The following DLC1 variants were observed in gnomAD, a reference collection of about 807,000 sequenced individuals.
The protein encoded by DLC1 is DLC1 Rho GTPase activating protein, also known as rho GTPase-activating protein 7.
A neutral mutation model predicts 140.3 loss-of-function variants in DLC1; 54 were observed. The ratio of observed to expected loss-of-function variants is 0.38; its 90% CI spans 0.31 to 0.48. The LOEUF (loss-of-function observed/expected upper bound fraction) is 0.48. Ranked by LOEUF, DLC1 falls within the 20% of genes least tolerant of loss-of-function variation. The pLI is 0.96. For synonymous variants in DLC1, 986 were observed against 728.1 expected (o/e 1.35, Z -5.70); for missense variants, 2,536 against 1,907.0 (o/e 1.33, Z -6.14).
intron 5 of DLC1, among the ~76,000 whole-genome samples, chr8:13,256,317 C>A (rs1586015415): frequency 6.6e-6 from 1 of 152,172 alleles, no homozygotes; most frequent in East Asian, 1.9e-4. Context: ...CTTTTCTTGT[C>A]ACTGATTTTT....
chr8:13,296,722 C>G (rs1403121603), intron 5 of DLC1, among the ~76,000 whole-genome samples: 4 of 151,702 alleles, frequency 2.6e-5, no homozygotes, highest in East Asian at 1.9e-4. Context: ...TTTCTGCTTT[C>G]AAGGAGCTCT....
chr8:13,307,372 C>T (rs1832489020), intron 4 of DLC1, among the ~76,000 whole-genome samples: 1 of 152,156 alleles, frequency 6.6e-6, no homozygotes, highest in Non-Finnish European at 1.5e-5. Flanking sequence ...TTTTCTTCTT[C>T]TTCAAGAACT....
intron 2 of DLC1, among the ~76,000 whole-genome samples, chr8:13,430,379 T>A (rs1838806977): frequency 6.6e-6 from 1 of 152,196 alleles, no homozygotes; most frequent in Non-Finnish European, 1.5e-5. Flanking sequence ...AGTAAATATG[T>A]GATCATTATT....
chr8:13,525,049 C>A (rs1802877006), intron 1 of DLC1, among the ~76,000 whole-genome samples: 2 of 152,166 alleles, frequency 1.3e-5, no homozygotes, highest in African/African-American at 2.4e-5. Flanking sequence ...TCTGTCACTG[C>A]AGATTGGTTT....
At chr8:13,408,134 T>C (rs535037668) in intron 2 of DLC1, among the ~76,000 whole-genome samples, 15 of 152,218 alleles carry the variant, frequency 9.9e-5, no homozygotes, top group African/African-American at 2.9e-4. Flanking sequence ...TTGAAACTTA[T>C]GTAGACTAGC....
At chr8:13,506,972 T>C (rs1802120979) in intron 1 of DLC1, among the ~76,000 whole-genome samples, 1 of 152,092 alleles carries the variant, frequency 6.6e-6, no homozygotes, top group African/African-American at 2.4e-5. Flanking sequence ...CACTTGTACA[T>C]CGTATGTGCC....
At chr8:13,232,990 A>G (rs1377243328) in intron 5 of DLC1, among the ~76,000 whole-genome samples, 3 of 152,182 alleles carry the variant, frequency 2.0e-5, no homozygotes, top group Non-Finnish European at 4.4e-5. Flanking sequence ...ATCATTAAAA[A>G]TGTTGCATAT....
intron 5 of DLC1, among the ~76,000 whole-genome samples, chr8:13,222,476 TC>T (rs1364323249): frequency 6.6e-6 from 1 of 152,208 alleles, no homozygotes; most frequent in African/African-American, 2.4e-5. Context: ...TATGTTTTTT[TC>T]TTTTGATTTT....
At chr8:13,446,520 GC>G (rs1345545265) in intron 2 of DLC1, among the ~76,000 whole-genome samples, 3 of 151,816 alleles carry the variant, frequency 2.0e-5, no homozygotes, top group East Asian at 3.9e-4. Context: ...GTGAACTTTG[GC>G]TTTGTGTACA....
chr8:13,267,726 AGGAGTGTGT>A (rs1201297838), intron 5 of DLC1, among the ~76,000 whole-genome samples: 28 of 122,214 alleles, frequency 2.3e-4, no homozygotes, highest in Non-Finnish European at 3.6e-4. Context: ...GTGATTCCTG[AGGAGTGTGT>A]GTGTGTGTGT....
chr8:13,587,385 A>G (rs757013484), intron 1 of DLC1, among the ~76,000 whole-genome samples: 1 of 151,952 alleles, frequency 6.6e-6, no homozygotes, highest in Non-Finnish European at 1.5e-5. Context: ...TATCACAGAC[A>G]CTTTCCAAAC....
chr8:13,366,000 G>C (rs1157838153), intron 4 of DLC1, among the ~76,000 whole-genome samples: 3 of 152,352 alleles, frequency 2.0e-5, no homozygotes, highest in Admixed American at 2.0e-4. Flanking sequence ...TAGGACTTTA[G>C]AAGGTGAAGT....
chr8:13,087,305 G>A (rs1057432539), intron 16 of DLC1, among the ~76,000 whole-genome samples: 14 of 152,316 alleles, frequency 9.2e-5, no homozygotes, highest in African/African-American at 2.6e-4. Flanking sequence ...GGGAGGCTGA[G>A]GGGGGAGGAT....
chr8:13,427,559 G>T (rs1476436291), intron 2 of DLC1, among the ~76,000 whole-genome samples: 1 of 152,120 alleles, frequency 6.6e-6, no homozygotes, highest in Non-Finnish European at 1.5e-5. Flanking sequence ...TTTCAGCTCA[G>T]CAGTCACCTC....
intron 5 of DLC1, among the ~76,000 whole-genome samples, chr8:13,210,930 A>G (rs926545995): frequency 2.6e-5 from 4 of 152,220 alleles, no homozygotes; most frequent in African/African-American, 9.6e-5. Flanking sequence ...ATGAACATTT[A>G]AAATGAATAG....
At chr8:13,396,808 A>C (rs1243678512) in intron 3 of DLC1, among the ~76,000 whole-genome samples, 1 of 152,146 alleles carries the variant, frequency 6.6e-6, no homozygotes, top group Non-Finnish European at 1.5e-5. Flanking sequence ...TTGAGAAATT[A>C]CCCAAAAGCT....
rs781185252 is a variant in DLC1, at chr8:13,259,176, TA to T, written c.1348+46092del. ...AAAAAAAAAGAGAAAATCAAAAGATTAAAAATTACAATTATGAAATACCCAC... is the reference window on the plus strand; with the variant it reads ...AAAAAAAAAGAGAAAATCAAAAGATTAAAATTACAATTATGAAATACCCAC... On this transcript the variant is annotated intron_variant, in intron 5 of 17. Transcript: ENST00000276297. 8.7e-4 allele frequency among the ~76,000 whole-genome samples: 129 copies of T among 147,552 alleles called. 1 individual carries two copies. Among genetic ancestry groups the T allele is most frequent in the South Asian group, 2.6e-3 (12 of 4,584 alleles).
chr8:13,581,770 G>T (rs1326593797), intron 1 of DLC1, among the ~76,000 whole-genome samples: 1 of 152,082 alleles, frequency 6.6e-6, no homozygotes, highest in Non-Finnish European at 1.5e-5. Context: ...TCTTTATCAG[G>T]CCATGCAAGG....
At chr8:13,541,613 G>T (rs1297967906) in intron 1 of DLC1, among the ~76,000 whole-genome samples, 1 of 152,078 alleles carries the variant, frequency 6.6e-6, no homozygotes, top group East Asian at 1.9e-4. Flanking sequence ...GCAGTGGCGC[G>T]ATCTCGGCTC....
Sources: gnomAD v4.1 joint callset for allele counts (sites outside exome capture counted in the v4.1 genomes callset) on GRCh38, gnomAD v4.1.1 for gene constraint, MANE v1.5 for transcripts, NCBI Gene and HGNC (gene_info 2026-07-23, HGNC 2026-07-21) for gene names.